The following CFAP54 variants were observed in gnomAD, a reference collection of about 807,000 sequenced individuals.
CFAP54 encodes cilia- and flagella-associated protein 54.
CFAP54 carries 290 observed loss-of-function variants against 370.4 expected under a neutral mutation model. The ratio of observed to expected loss-of-function variants is 0.78; its 90% confidence interval spans 0.71 to 0.86. The LOEUF (loss-of-function observed/expected upper bound fraction) is 0.86. Among genes scored for constraint, CFAP54 ranks in the 40% least tolerant of loss-of-function variants. The probability of loss-of-function intolerance (pLI) is 0.00; values close to 1 mark genes in which losing one functional copy is unlikely to be tolerated. For missense variants in CFAP54, 3,399 were observed against 3,528.7 expected (o/e 0.96, Z 0.93); for synonymous variants, 1,206 against 1,236.5 (o/e 0.98, Z 0.52).
At chr12:96,560,841 C>G (rs1218596650) in intron 17 of CFAP54, among the ~76,000 whole-genome samples, 1 of 152,174 alleles carries the variant, frequency 6.6e-6, no homozygotes, top group Non-Finnish European at 1.5e-5. Flanking sequence ...TGGTCTTACT[C>G]CCTCCATTGG....
chr12:96,787,848 G>T (rs954446657), intron 62 of CFAP54, among the ~76,000 whole-genome samples: 2 of 151,596 alleles, frequency 1.3e-5, no homozygotes, highest in Non-Finnish European at 2.9e-5. Context: ...GTATATCTTA[G>T]TTTTACTTTC....
At chr12:96,670,986 T>A (rs2136534530) in intron 39 of CFAP54, among the ~76,000 whole-genome samples, 1 of 152,338 alleles carries the variant, frequency 6.6e-6, no homozygotes, top group South Asian at 2.1e-4. Flanking sequence ...TTTATTTTTT[T>A]ATTTATTTAT....
In CFAP54 at chr12:96,691,245, T is replaced by C. The variant is rs533542756; in HGVS notation, c.6199T>C (p.Cys2067Arg). Residue 2067 changes from cysteine (C) to arginine (R), a missense_variant, in exon 44 of 68, where the codon TGC (cysteine) becomes CGC (arginine). Physicochemically the swap from Cys to Arg is radical, Grantham distance 180 (BLOSUM62 -3). Coordinates refer to ENST00000524981, the MANE Select transcript of CFAP54 (RefSeq NM_001306084.2). ...LFSDRYRADI[C>R]SVIASLYYII... ...CTCAGATAGATACAGGGCTGACATT[T>C]GCTCTGTAATTGCAAGTCTGTATTA... The C allele has an allele frequency of 6.2e-7, 1 of 1,612,538 alleles. No homozygotes were observed. Among genetic ancestry groups the C allele is most frequent in the South Asian group, 1.1e-5 (1 of 90,718 alleles).
At chr12:96,493,783 G>A (rs999975520) in intron 1 of CFAP54, among the ~76,000 whole-genome samples, 1 of 152,170 alleles carries the variant, frequency 6.6e-6, no homozygotes, top group Non-Finnish European at 1.5e-5. Flanking sequence ...AGGCGACAGA[G>A]TGAGACTCCG....
chr12:96,834,533 C>T (rs1959180004), intron 66 of CFAP54, among the ~76,000 whole-genome samples: 1 of 152,234 alleles, frequency 6.6e-6, no homozygotes. Context: ...TAGGTGCTGG[C>T]ATGGGCGCCA....
In CFAP54 at chr12:96,649,875, T is replaced by A; in HGVS notation, c.4691-16T>A. Reference sequence around the variant, plus strand: ...CTATGTTTTTAATCATGTCATATCTTATTTTTGTACTGTAGATGCTGAAGA... The same window carrying A: ...CTATGTTTTTAATCATGTCATATCTAATTTTTGTACTGTAGATGCTGAAGA... On this transcript the variant is annotated splice_polypyrimidine_tract_variant and intron_variant, in intron 34 of 67. Coordinates refer to ENST00000524981, the MANE Select transcript of CFAP54 (RefSeq NM_001306084.2). The A allele has an allele frequency of 6.5e-7, 1 of 1,534,324 alleles. No homozygotes were observed. The highest frequency in any genetic ancestry group is 8.9e-7 in the Non-Finnish European group (1 of 1,125,456).
chr12:96,664,248 A>G (rs1344564), intron 39 of CFAP54, among the ~76,000 whole-genome samples: 134,636 of 152,122 alleles, frequency 0.89, 59,821 homozygotes, highest in East Asian at 0.96. Context: ...TGTTAAGCCT[A>G]GGACCCATTA....
chr12:96,573,449 T>C (rs1283296153), intron 19 of CFAP54, among the ~76,000 whole-genome samples: 1 of 152,054 alleles, frequency 6.6e-6, no homozygotes, highest in Non-Finnish European at 1.5e-5. Context: ...TTCAAGGGAG[T>C]CCTGTTCTGT....
intron 5 of CFAP54, among the ~76,000 whole-genome samples, chr12:96,515,647 A>G (rs1252827555): frequency 1.3e-5 from 2 of 152,174 alleles, no homozygotes; most frequent in Non-Finnish European, 2.9e-5. Flanking sequence ...CTAAGACGGA[A>G]GGAGAAATAG....
intron 60 of CFAP54, among the ~76,000 whole-genome samples, chr12:96,766,096 T>A (rs1462887957): frequency 1.3e-5 from 2 of 152,144 alleles, no homozygotes; most frequent in Non-Finnish European, 2.9e-5. Context: ...TTGGGAGTGA[T>A]CTTCCTAATA....
intron 65 of CFAP54, among the ~76,000 whole-genome samples, chr12:96,828,451 G>A (rs994041402): frequency 6.6e-6 from 1 of 151,982 alleles, no homozygotes; most frequent in African/African-American, 2.4e-5. Context: ...CTCCAACTCC[G>A]CATGTGGACC....
intron 63 of CFAP54, among the ~76,000 whole-genome samples, chr12:96,799,583 A>C (rs1287047893): frequency 6.6e-6 from 1 of 152,158 alleles, no homozygotes; most frequent in African/African-American, 2.4e-5. Context: ...ATCTGCTACT[A>C]ACTCTTGGTC....
At chr12:96,566,792 G>T (rs1955868871) in intron 19 of CFAP54, among the ~76,000 whole-genome samples, 1 of 152,016 alleles carries the variant, frequency 6.6e-6, no homozygotes, top group Non-Finnish European at 1.5e-5. Flanking sequence ...GATCCATTTC[G>T]CAATTATGTA....
At chr12:96,805,585 A>AT (rs398039989) in intron 63 of CFAP54, among the ~76,000 whole-genome samples, 2 of 151,112 alleles carry the variant, frequency 1.3e-5, no homozygotes, top group East Asian at 3.9e-4. Flanking sequence ...AAAAAAAAAA[A>AT]CCAGATATTG....
At position 96,580,940 on chromosome 12, in the gene CFAP54, T is replaced by C. The variant is rs1183538486; in HGVS notation, c.2910T>C (p.Ser970=). The C allele has an allele frequency of 1.1e-5, 16 of 1,514,356 alleles. No individual in the cohort carries two copies. Among genetic ancestry groups the C allele is most frequent in the African/African-American group, 7.0e-5 (5 of 71,926 alleles). 93.8% of individuals were successfully genotyped at this position (1,514,356 alleles called of 1,614,324 possible). A position where few individuals can be genotyped will look rare whatever the true frequency, so the allele number is the denominator to read the frequency against. ...SGEAIPADGK[S]VFEVKGLETN... ...AATAGATACCAGCTGACGGTAAAAG[T>C]GTTTTTGAAGTGAAAGGTTTAGAAA... is the stretch of plus-strand genomic sequence containing the variant. Residue 970 remains serine, a synonymous_variant, in exon 22 of 68, where the codon AGT becomes AGC. Transcript: ENST00000524981.
chr12:96,699,925 A>G (rs545222520), intron 45 of CFAP54, 46 bp from the exon 46 acceptor site: 1 of 1,476,260 alleles, frequency 6.8e-7, no homozygotes, highest in South Asian at 1.2e-5. Flanking sequence ...TTCTAAGTAA[A>G]ACAAATTGTT....
At chr12:96,539,411 C>CA (rs1361431604) in intron 13 of CFAP54, among the ~76,000 whole-genome samples, 1 of 152,006 alleles carries the variant, frequency 6.6e-6, no homozygotes, top group African/African-American at 2.4e-5. Flanking sequence ...CAGGGGCTGA[C>CA]ACCTGTAATC....
chr12:96,663,900 G>GCA lies in CFAP54; in HGVS notation c.5534_5535dup (p.Asp1846GlnfsTer4). 1 of 1,612,988 alleles carries GCA rather than the reference G, an allele frequency of 6.2e-7. No individual in the cohort carries two copies. The highest frequency in any genetic ancestry group is 8.5e-7 in the Non-Finnish European group (1 of 1,179,428). On this transcript the variant is annotated frameshift_variant, in exon 39 of 68. Coordinates refer to ENST00000524981, the MANE Select transcript of CFAP54 (RefSeq NM_001306084.2). LOFTEE classifies it high-confidence loss of function. ...TCAACCATTGAAGCAACAAGCAACT[G>GCA]CACAGATTTGCTAAAAATGCTTATC...
intron 65 of CFAP54, among the ~76,000 whole-genome samples, chr12:96,818,665 C>A (rs947461997): frequency 3.9e-5 from 6 of 152,230 alleles, no homozygotes; most frequent in African/African-American, 1.4e-4. Flanking sequence ...CATTTCCCTT[C>A]TGCCCCACTC....
Sources: allele counts gnomAD v4.1 joint callset (sites outside exome capture counted in the v4.1 genomes callset), GRCh38; gene constraint gnomAD v4.1.1; transcripts MANE v1.5; gene names NCBI Gene and HGNC (gene_info 2026-07-23, HGNC 2026-07-21).